DRAXIN: variants seen among roughly 807,000 people sequenced by gnomAD.
DRAXIN encodes the protein dorsal inhibitory axon guidance protein.
In DRAXIN, 27 loss-of-function variants were observed where a neutral mutation model predicts 33.9. That is an observed-to-expected ratio of 0.80 (90% CI 0.59 to 1.10). The LOEUF is 1.10. Ranked by LOEUF, DRAXIN falls within the 50% of genes least tolerant of loss-of-function variation. DRAXIN has a pLI of 0.00. For synonymous variants in DRAXIN, 178 were observed against 194.0 expected (o/e 0.92, Z 0.69); for missense variants, 371 against 460.8 (o/e 0.81, Z 1.78).
intron 3 of DRAXIN, among the ~76,000 whole-genome samples, chr1:11,710,774 A>G (rs929791469): frequency 1.4e-5 from 2 of 147,252 alleles, no homozygotes; most frequent in Non-Finnish European, 3.0e-5. Context: ...AAAAAAAAAA[A>G]TAGCCGGGCA....
upstream of DRAXIN, among the ~76,000 whole-genome samples, chr1:11,687,082 T>C (rs560997420): frequency 1.4e-4 from 22 of 152,166 alleles, no homozygotes; most frequent in Non-Finnish European, 2.4e-4. The surrounding 1 kb of genome is among the most constrained non-coding windows in gnomAD (Gnocchi z 4.1). Context: ...TTTTATTTTT[T>C]GGAGACAGGG....
intron 3 of DRAXIN, among the ~76,000 whole-genome samples, chr1:11,711,385 C>G (rs1332985420): frequency 2.6e-5 from 4 of 152,230 alleles, no homozygotes; most frequent in Non-Finnish European, 4.4e-5. Context: ...CCTGGGGCCA[C>G]TGGCCCAGGC....
chr1:11,691,322 C>T (rs6700817), upstream of DRAXIN: 27,366 of 152,218 alleles, frequency 0.18, 4,159 homozygotes, highest in African/African-American at 0.42. Flanking sequence ...TTGTCGCCCG[C>T]CCTGCGCGGG....
chr1:11,709,736 C>G (rs1641447294), intron 3 of DRAXIN, among the ~76,000 whole-genome samples: 1 of 152,212 alleles, frequency 6.6e-6, no homozygotes, highest in Non-Finnish European at 1.5e-5. Flanking sequence ...GCTCAGCATG[C>G]TGGTGTCTGC....
chr1:11,712,033 G>T, intron 4 of DRAXIN, 68 bp downstream of exon 4: 1 of 1,486,792 alleles, frequency 6.7e-7, no homozygotes. Context: ...CTGTTGAGGT[G>T]GGGGCCCCAG....
intron 1 of DRAXIN, among the ~76,000 whole-genome samples, chr1:11,701,153 G>GGCT (rs959860588): frequency 3.9e-5 from 6 of 152,322 alleles, no homozygotes; most frequent in African/African-American, 1.4e-4. Flanking sequence ...AGCTGCTGGT[G>GGCT]GCTCCTGGGC....
intron 1 of DRAXIN, among the ~76,000 whole-genome samples, chr1:11,699,083 G>A (rs183998250): frequency 6.6e-6 from 1 of 152,314 alleles, no homozygotes; most frequent in Non-Finnish European, 1.5e-5. Context: ...GGGTCTGACA[G>A]TTGAACAGAC....
rs192482977 is a variant in DRAXIN at position 11,721,860 on chromosome 1, G to A, written c.*2164G>A. 5.9e-5 allele frequency: 9 copies of A among 152,330 alleles called. No homozygotes were observed. The East Asian group carries it at 1.5e-3, about 26-fold the overall frequency. The allele number at this position is 152,330 out of a possible 1,614,324, so 9.4% of individuals were successfully genotyped here. ...ATTAAGGCTGGGCACGAGGGCTCAT[G>A]TCTGACATCCCAGCACTCTGGGAGG... is the stretch of plus-strand genomic sequence containing the variant. On this transcript the variant is annotated 3_prime_UTR_variant, in exon 7 of 7. Transcript: ENST00000294485.
rs1641161286 is a variant in DRAXIN at position 11,694,560 on chromosome 1, C to CCTTCA, written c.-11+2709_-11+2713dup. 1.3e-5 allele frequency among the ~76,000 whole-genome samples: 2 copies of CCTTCA among 152,140 alleles called. No homozygotes were observed. The highest frequency in any genetic ancestry group is 1.3e-4 in the Admixed American group (2 of 15,276). The stretch of plus-strand genomic sequence containing the variant: ...GCAGCTGTGGGACCCAGAGGGAGTT[C>CCTTCA]CTTCACGTGTGTCGGCCAGGAATGT... On this transcript the variant is annotated intron_variant, in intron 1 of 6. Transcript: ENST00000294485. This position sits in a 1 kb window ranked among gnomAD's most constrained non-coding sequence, Gnocchi z 4.9.
rs1641634851 is a variant in DRAXIN at position 11,719,802 on chromosome 1, G to A, written c.*106G>A. On this transcript the variant is annotated 3_prime_UTR_variant, in exon 7 of 7. Coordinates refer to ENST00000294485, the MANE Select transcript of DRAXIN (RefSeq NM_198545.4). ...AGTTGGGGAACAGATGGCTGAGGCTGCAGACTCAGGCCCAGGACACTCAAC... is the reference window on the plus strand; with the variant it reads ...AGTTGGGGAACAGATGGCTGAGGCTACAGACTCAGGCCCAGGACACTCAAC... 1.9e-6 allele frequency: 2 copies of A among 1,033,592 alleles called. No individual in the cohort carries two copies. The highest frequency in any genetic ancestry group is 2.6e-5 in the East Asian group (1 of 37,842). The allele number at this position is 1,033,592 out of a possible 1,614,324, so 64.0% of individuals were successfully genotyped here. A position where few individuals can be genotyped will look rare whatever the true frequency, so the allele number is the denominator to read the frequency against.
chr1:11,702,013 A>T (rs1397252793), intron 1 of DRAXIN, among the ~76,000 whole-genome samples: 1 of 152,094 alleles, frequency 6.6e-6, no homozygotes, highest in East Asian at 1.9e-4. Context: ...GCTGACACAC[A>T]CTGTTGCACA....
chr1:11,716,894 T>C (rs1641586400), intron 6 of DRAXIN, among the ~76,000 whole-genome samples: 1 of 152,190 alleles, frequency 6.6e-6, no homozygotes, highest in Admixed American at 6.6e-5. Context: ...GGGGGTTCAG[T>C]AGTGAAAAGA....
At chr1:11,699,926 C>CAACA (rs557060769) in intron 1 of DRAXIN, among the ~76,000 whole-genome samples, 3 of 142,600 alleles carry the variant, frequency 2.1e-5, no homozygotes, top group Non-Finnish European at 3.0e-5. Flanking sequence ...GACTCACTCT[C>CAACA]AATAAATAAA....
chr1:11,714,749 C>A (rs1200304953), intron 5 of DRAXIN, among the ~76,000 whole-genome samples: 1 of 152,234 alleles, frequency 6.6e-6, no homozygotes, highest in East Asian at 1.9e-4. Flanking sequence ...GTTTCCCCAT[C>A]TGTCAAAAGA....
At chr1:11,700,967 A>C (rs1641264231) in intron 1 of DRAXIN, among the ~76,000 whole-genome samples, 2 of 152,124 alleles carry the variant, frequency 1.3e-5, no homozygotes, top group South Asian at 4.2e-4. Context: ...CTGGCCCCCA[A>C]ATGCAAGGCT....
rs1641166430 is a variant in DRAXIN, at chr1:11,694,895, C to T, written c.-11+3042C>T. 6.6e-6 allele frequency among the ~76,000 whole-genome samples: 1 copy of T among 152,174 alleles called. No individual in the cohort carries two copies. Among genetic ancestry groups the T allele is most frequent in the African/African-American group, 2.4e-5 (1 of 41,436 alleles). On this transcript the variant is annotated intron_variant, in intron 1 of 6. Coordinates refer to ENST00000294485, the MANE Select transcript of DRAXIN (RefSeq NM_198545.4). The surrounding 1 kb of genome is among the most constrained non-coding windows in gnomAD (Gnocchi z 4.9). ...GCCCCAACACCATGACCCACCCATG[C>T]CCCAACACCAAGACTTCTCTTGATG... is the stretch of plus-strand genomic sequence containing the variant.
chr1:11,719,533 G>A (rs757672052), intron 6 of DRAXIN, 51 bp from the exon 7 acceptor site: 12 of 1,500,654 alleles, frequency 8.0e-6, no homozygotes, highest in Non-Finnish European at 1.1e-5. Context: ...GAAGGAAGGG[G>A]AGGGCACGGG....
rs1330313679 is a variant in DRAXIN at position 11,725,520 on chromosome 1, C to T, written c.*5824C>T. On this transcript the variant is annotated 3_prime_UTR_variant, in exon 7 of 7. Transcript: ENST00000294485. ...GAAATGTGGGGTGGTCAGGGACATT[C>T]GGATAATTCGGGCTATTTGTATTCA... 1 of 152,178 alleles carries T rather than the reference C, an allele frequency of 6.6e-6. No homozygotes were observed. The highest frequency in any genetic ancestry group is 1.5e-5 in the Non-Finnish European group (1 of 68,036). 9.4% of individuals were successfully genotyped at this position (152,178 alleles called of 1,614,324 possible).
chr1:11,692,947 AGGGAG>A lies in DRAXIN; in HGVS notation c.-11+1110_-11+1114del, dbSNP rs1342489666. Among the ~76,000 whole-genome samples, 8 of 120,862 alleles carry A rather than the reference AGGGAG, an allele frequency of 6.6e-5. No individual in the cohort carries two copies. The highest frequency in any genetic ancestry group is 1.0e-4 in the Non-Finnish European group (6 of 57,716). 79.3% of individuals were successfully genotyped at this position (120,862 alleles called of 152,430 possible). A position where few individuals can be genotyped will look rare whatever the true frequency, so the allele number is the denominator to read the frequency against. On this transcript the variant is annotated intron_variant, in intron 1 of 6. Transcript: ENST00000294485. This position sits in a 1 kb window ranked among gnomAD's most constrained non-coding sequence, Gnocchi z 5.8. ...GCTGGTTCACACACCCTGTGGAGGA[AGGGAG>A]GGGAGGGGAGGGGAGTCTACAGACC...
Sources: allele counts gnomAD v4.1 joint callset (sites outside exome capture counted in the v4.1 genomes callset), GRCh38; gene constraint gnomAD v4.1.1; non-coding constraint Gnocchi (gnomAD v3.1); transcripts MANE v1.5; gene names NCBI Gene and HGNC (gene_info 2026-07-23, HGNC 2026-07-21).